MEIOSIN: variants seen among roughly 807,000 people sequenced by gnomAD.
MEIOSIN encodes meiosis initiator, also known as meiosis initiator protein.
A neutral mutation model predicts 23.4 loss-of-function variants in MEIOSIN; 18 were observed. That is an observed-to-expected ratio of 0.77 (90% CI 0.53 to 1.14). The LOEUF is 1.14. Ranked by LOEUF, MEIOSIN falls within the 50% of genes most tolerant of loss-of-function variation. MEIOSIN has a pLI of 0.00. For missense variants in MEIOSIN, 428 were observed against 242.9 expected (o/e 1.76, Z -5.07); for synonymous variants, 187 against 100.6 (o/e 1.86, Z -5.14).
At chr19:45,734,576 T>G (rs752724656) in intron 1 of MEIOSIN, among the ~76,000 whole-genome samples, 12 of 151,692 alleles carry the variant, frequency 7.9e-5, no homozygotes, top group Non-Finnish European at 1.6e-4. Context: ...CGATTTTAGC[T>G]CACTGCAGCC....
chr19:45,747,773 T>C (rs1968620839), intron 4 of MEIOSIN, among the ~76,000 whole-genome samples: 2 of 151,996 alleles, frequency 1.3e-5, no homozygotes, highest in African/African-American at 4.8e-5. Flanking sequence ...AGAGTTGAGA[T>C]AGAAAGAGAG....
Position 45,741,935 on chromosome 19 carries a change from C to T in MEIOSIN, c.176+2205C>T, listed in dbSNP as rs58563604. Among the ~76,000 whole-genome samples the T allele has an allele frequency of 4.3e-3, 655 of 151,320 alleles. 1 individual carries two copies. The highest frequency in any genetic ancestry group is 7.5e-3 in the Non-Finnish European group (505 of 67,762). ...TTGCCCAGGCTGGAGTGCAATGGCA[C>T]GATCTCGGTTGCTCACTGCAACCTC... On this transcript the variant is annotated intron_variant, in intron 3 of 14. Transcript: ENST00000457052.
intron 11 of MEIOSIN, among the ~76,000 whole-genome samples, chr19:45,760,016 G>A (rs1968909243): frequency 6.6e-6 from 1 of 151,794 alleles, no homozygotes; most frequent in South Asian, 2.1e-4. Flanking sequence ...GGCCAGGCTG[G>A]TCTCCAACTC....
chr19:45,758,576 G>A (rs760324686), intron 9 of MEIOSIN, among the ~76,000 whole-genome samples: 3 of 151,720 alleles, frequency 2.0e-5, no homozygotes, highest in Non-Finnish European at 2.9e-5. Context: ...TTACAGGCAC[G>A]TGCCACTACC....
chr19:45,764,146 C>A lies in MEIOSIN; in HGVS notation c.*28C>A. On this transcript the variant is annotated 3_prime_UTR_variant, in exon 15 of 15. Transcript: ENST00000457052. ...GGGCGGCCCCTCGCCTCGCTCCCCT[C>A]ACCCCTCATGGCAACCGCGGCTCTT... is the stretch of plus-strand genomic sequence containing the variant. 1 of 398,638 alleles carries A rather than the reference C, an allele frequency of 2.5e-6. No homozygotes were observed. The highest frequency in any genetic ancestry group is 1.3e-4 in the South Asian group (1 of 7,862). 24.7% of individuals were successfully genotyped at this position (398,638 alleles called of 1,614,324 possible).
Position 45,748,101 on chromosome 19 carries a change from G to A in MEIOSIN, c.307-2574G>A, listed in dbSNP as rs548184920. Among the ~76,000 whole-genome samples, 317 of 149,634 alleles carry A rather than the reference G, an allele frequency of 2.1e-3. 2 individuals carry two copies. Among genetic ancestry groups the A allele is most frequent in the African/African-American group, 7.3e-3 (299 of 40,736 alleles). On this transcript the variant is annotated intron_variant, in intron 4 of 14. Coordinates refer to ENST00000457052, the MANE Select transcript of MEIOSIN (RefSeq NM_001310124.2). ...CCTGTCTTTTTTTTTTTTTTGAGACGGAGTCCCGCTCTGTACCCCAGGCTG... is the reference window on the plus strand; with the variant it reads ...CCTGTCTTTTTTTTTTTTTTGAGACAGAGTCCCGCTCTGTACCCCAGGCTG...
At chr19:45,740,308 C>A (rs1417393394) in intron 3 of MEIOSIN, among the ~76,000 whole-genome samples, 1 of 152,222 alleles carries the variant, frequency 6.6e-6, no homozygotes, top group East Asian at 1.9e-4. Context: ...CAAAGTCACA[C>A]AGCAAGCGGA....
chr19:45,753,305 G>T (rs1968752040), intron 5 of MEIOSIN, among the ~76,000 whole-genome samples: 1 of 152,272 alleles, frequency 6.6e-6, no homozygotes, highest in South Asian at 2.1e-4. Context: ...TGACCTTGAG[G>T]GGGTCGGCTA....
At chr19:45,760,936 AAAG>A (rs1216312317) in intron 11 of MEIOSIN, among the ~76,000 whole-genome samples, 31,113 of 142,658 alleles carry the variant, frequency 0.22, 3,936 homozygotes, top group Admixed American at 0.33. Context: ...AAAAAAAAAA[AAAG>A]AAAGAAAAGA....
At chr19:45,753,617 G>A in intron 5 of MEIOSIN, 34 bp from the exon 6 acceptor site, 1 of 684,692 alleles carries the variant, frequency 1.5e-6, no homozygotes, top group Non-Finnish European at 2.7e-6. Context: ...GATGGGGTGG[G>A]GGATCTGAGC....
rs1157032341 is a variant in MEIOSIN, at chr19:45,749,707, A to C, written c.307-968A>C. Reference sequence around the variant, plus strand: ...AAAAAAAAAAGCGCAAAAAAAAAAAACAAAAAAAGACTATTGGCCGGGCGT... The same window carrying C: ...AAAAAAAAAAGCGCAAAAAAAAAAACCAAAAAAAGACTATTGGCCGGGCGT... On this transcript the variant is annotated intron_variant, in intron 4 of 14. Transcript: ENST00000457052. Among the ~76,000 whole-genome samples, 22 of 149,556 alleles carry C rather than the reference A, an allele frequency of 1.5e-4. No homozygotes were observed. The East Asian group carries it at 2.5e-3, about 17-fold the overall frequency.
In MEIOSIN at chr19:45,764,201, G is replaced by A; in HGVS notation, c.*83G>A. 1 of 398,374 alleles carries A rather than the reference G, an allele frequency of 2.5e-6. No homozygotes were observed. The highest frequency in any genetic ancestry group is 4.4e-6 in the Non-Finnish European group (1 of 225,974). The allele number at this position is 398,374 out of a possible 1,614,324, so 24.7% of individuals were successfully genotyped here. On this transcript the variant is annotated 3_prime_UTR_variant, in exon 15 of 15. Coordinates refer to ENST00000457052, the MANE Select transcript of MEIOSIN (RefSeq NM_001310124.2). ...GAAGCCAGGACCCATCGATGAACTT[G>A]TCCCTCCTGGGCCTCCAGCCCCTGA...
chr19:45,738,730 A>G (rs1260365239), intron 2 of MEIOSIN, among the ~76,000 whole-genome samples: 1 of 152,228 alleles, frequency 6.6e-6, no homozygotes, highest in Non-Finnish European at 1.5e-5. Context: ...TGTAAAGTCG[A>G]AAAATGTTAA....
At chr19:45,751,881 C>T (rs11083781) in intron 5 of MEIOSIN, among the ~76,000 whole-genome samples, 68,831 of 151,090 alleles carry the variant, frequency 0.46, 16,211 homozygotes, top group East Asian at 0.65. Context: ...CAGGCACTCA[C>T]CACCACACCC....
At chr19:45,740,004 C>T (rs959395020) in intron 3 of MEIOSIN, among the ~76,000 whole-genome samples, 2 of 152,022 alleles carry the variant, frequency 1.3e-5, no homozygotes, top group East Asian at 1.9e-4. Flanking sequence ...CGTGCCACCA[C>T]GGCCAGCTAA....
At position 45,754,912 on chromosome 19, in the gene MEIOSIN, G is replaced by C. The variant is rs571024896; in HGVS notation, c.802+188G>C. 5.3e-5 allele frequency among the ~76,000 whole-genome samples: 8 copies of C among 152,298 alleles called. No individual in the cohort carries two copies. In the South Asian group the frequency reaches 6.2e-4, roughly 12 times the overall value. On this transcript the variant is annotated intron_variant, in intron 7 of 14. Coordinates refer to ENST00000457052, the MANE Select transcript of MEIOSIN (RefSeq NM_001310124.2). ...TCTCAGGCTGTGTCGTGGCTGTAAT[G>C]GGGGGATGAGATCAGCGTCATTGTC...
At chr19:45,745,499 G>C (rs1968577207) in intron 4 of MEIOSIN, among the ~76,000 whole-genome samples, 178 bp downstream of exon 4, 1 of 152,166 alleles carries the variant, frequency 6.6e-6, no homozygotes, top group Non-Finnish European at 1.5e-5. Flanking sequence ...TAGGTGCCTG[G>C]AGGATCCTTT....
In MEIOSIN at chr19:45,764,309, C is replaced by T; in HGVS notation, c.*191C>T. 2.5e-6 allele frequency: 1 copy of T among 394,998 alleles called. No individual in the cohort carries two copies. Among genetic ancestry groups the T allele is most frequent in the Non-Finnish European group, 4.5e-6 (1 of 224,164 alleles). 24.5% of individuals were successfully genotyped at this position (394,998 alleles called of 1,614,324 possible). A position where few individuals can be genotyped will look rare whatever the true frequency, so the allele number is the denominator to read the frequency against. Reference sequence around the variant, plus strand: ...ACATTTGCCTGGAGCACCAGAGTCACCCACAGCTGCCTTGATTCTCCCCCA... The same window carrying T: ...ACATTTGCCTGGAGCACCAGAGTCATCCACAGCTGCCTTGATTCTCCCCCA... On this transcript the variant is annotated 3_prime_UTR_variant, in exon 15 of 15. Transcript: ENST00000457052.
At chr19:45,753,518 G>A in intron 5 of MEIOSIN, 133 bp from the exon 6 acceptor site, 1 of 588,550 alleles carries the variant, frequency 1.7e-6, no homozygotes, top group South Asian at 2.1e-5. Flanking sequence ...TAAGCCCTCA[G>A]TTTCCACACT....
Sources: gnomAD v4.1 joint callset for allele counts (sites outside exome capture counted in the v4.1 genomes callset) on GRCh38, gnomAD v4.1.1 for gene constraint, MANE v1.5 for transcripts, NCBI Gene and HGNC (gene_info 2026-07-23, HGNC 2026-07-21) for gene names.